Variants in EXT1 observed in about 807,000 individuals in gnomAD.
EXT1 encodes the protein exostosin-1.
Under a neutral mutation model 82.5 loss-of-function variants are expected in EXT1, and 20 were observed. The ratio of observed to expected loss-of-function variants is 0.24; its 90% confidence interval spans 0.17 to 0.35. The LOEUF is 0.35. EXT1 is among the 10% of genes least tolerant of loss of function. EXT1 has a pLI of 1.00. For synonymous variants in EXT1, 348 were observed against 350.8 expected (o/e 0.99, Z 0.09); for missense variants, 757 against 936.5 (o/e 0.81, Z 2.50).
intron 1 of EXT1, among the ~76,000 whole-genome samples, chr8:117,951,317 T>A (rs545918759): frequency 1.1e-4 from 16 of 152,236 alleles, no homozygotes; most frequent in Non-Finnish European, 2.1e-4. Flanking sequence ...CAAAGCCTGT[T>A]TATGAAAGTG....
chr8:117,886,777 G>A (rs1259052826), intron 1 of EXT1, among the ~76,000 whole-genome samples: 2 of 152,180 alleles, frequency 1.3e-5, no homozygotes, highest in Non-Finnish European at 2.9e-5. Flanking sequence ...TTCAGAAGGG[G>A]TGGTTTCTAC....
intron 1 of EXT1, among the ~76,000 whole-genome samples, chr8:117,892,829 G>GTA (rs1813269814): frequency 1.3e-5 from 2 of 152,206 alleles, no homozygotes; most frequent in African/African-American, 4.8e-5. Flanking sequence ...TGAGTTGGCT[G>GTA]TATATGAGAG....
intron 1 of EXT1, among the ~76,000 whole-genome samples, chr8:117,858,591 T>G (rs933584485): frequency 6.6e-6 from 1 of 151,170 alleles, no homozygotes; most frequent in Admixed American, 6.6e-5. Flanking sequence ...GGCAGGAGAA[T>G]GGCTTGAACC....
chr8:117,840,662 A>G (rs903955451), intron 1 of EXT1, among the ~76,000 whole-genome samples: 1 of 152,128 alleles, frequency 6.6e-6, no homozygotes, highest in African/African-American at 2.4e-5. Context: ...CCAATCATAT[A>G]TGATAAGGGA....
At chr8:118,095,179 A>G (rs150730029) in intron 1 of EXT1, among the ~76,000 whole-genome samples, 92 of 152,214 alleles carry the variant, frequency 6.0e-4, no homozygotes, top group Non-Finnish European at 9.1e-4. Context: ...TTCTTAGCTT[A>G]TTTTCATAGA....
At chr8:117,858,036 C>T (rs1196639715) in intron 1 of EXT1, among the ~76,000 whole-genome samples, 1 of 152,176 alleles carries the variant, frequency 6.6e-6, no homozygotes, top group African/African-American at 2.4e-5. Flanking sequence ...GAAGATGTGA[C>T]TGAATTGCAG....
At chr8:117,940,497 C>T (rs182180881) in intron 1 of EXT1, among the ~76,000 whole-genome samples, 17 of 152,294 alleles carry the variant, frequency 1.1e-4, no homozygotes, top group East Asian at 3.9e-4. Flanking sequence ...TCAATTCAAA[C>T]GACCTTTACT....
chr8:117,942,322 A>T (rs555848265), intron 1 of EXT1, among the ~76,000 whole-genome samples: 2 of 152,262 alleles, frequency 1.3e-5, no homozygotes, highest in South Asian at 4.1e-4. Flanking sequence ...TTTCTTCCTT[A>T]TGAGACTGTA....
intron 1 of EXT1, among the ~76,000 whole-genome samples, chr8:117,982,524 T>C (rs1248764683): frequency 6.6e-6 from 1 of 152,144 alleles, no homozygotes; most frequent in African/African-American, 2.4e-5. Flanking sequence ...GGAGTCTTGC[T>C]GTGTCACCCA....
chr8:117,856,289 C>T (rs1362761053), intron 1 of EXT1, among the ~76,000 whole-genome samples: 1 of 148,280 alleles, frequency 6.7e-6, no homozygotes, highest in African/African-American at 2.5e-5. Context: ...GAGTCTCGCT[C>T]TGTTGCCCAG....
chr8:118,011,468 T>C (rs965224660), intron 1 of EXT1, among the ~76,000 whole-genome samples: 5 of 152,176 alleles, frequency 3.3e-5, no homozygotes, highest in African/African-American at 9.7e-5. Flanking sequence ...TATTAGGGTA[T>C]GAAGAGGGGA....
At chr8:117,914,759 T>C (rs1206776100) in intron 1 of EXT1, among the ~76,000 whole-genome samples, 1 of 152,228 alleles carries the variant, frequency 6.6e-6, no homozygotes, top group African/African-American at 2.4e-5. Flanking sequence ...AGACCGGTTC[T>C]CTACTCTCGA....
intron 1 of EXT1, among the ~76,000 whole-genome samples, chr8:118,079,069 T>C (rs1174387805): frequency 6.6e-6 from 1 of 152,194 alleles, no homozygotes; most frequent in Non-Finnish European, 1.5e-5. Context: ...ACGTCCCTCA[T>C]AGACAAGATT....
At chr8:117,801,054 G>A (rs1300166864) in intron 10 of EXT1, among the ~76,000 whole-genome samples, 2 of 152,154 alleles carry the variant, frequency 1.3e-5, no homozygotes, top group Non-Finnish European at 2.9e-5. Flanking sequence ...CACAGTTTTA[G>A]AAAAATACTT....
intron 1 of EXT1, among the ~76,000 whole-genome samples, chr8:117,897,591 CT>C (rs34963536): frequency 0.012 from 1,086 of 90,656 alleles, 6 homozygotes; most frequent in East Asian, 0.039. Context: ...CTTCTTTTCT[CT>C]TTTTTTTTTT....
intron 8 of EXT1, among the ~76,000 whole-genome samples, chr8:117,811,679 C>T (rs554818463): frequency 6.0e-5 from 9 of 150,394 alleles, no homozygotes; most frequent in African/African-American, 2.2e-4. Flanking sequence ...TGCAATGGTA[C>T]GATGTCCGCT....
chr8:117,864,733 A>T (rs2129873708), intron 1 of EXT1, among the ~76,000 whole-genome samples: 1 of 147,146 alleles, frequency 6.8e-6, no homozygotes, highest in Admixed American at 7.0e-5. Context: ...TGGGCGACAG[A>T]GCGAGACTCT....
chr8:117,930,301 G>A (rs1814032835), intron 1 of EXT1, among the ~76,000 whole-genome samples: 1 of 152,004 alleles, frequency 6.6e-6, no homozygotes, highest in Non-Finnish European at 1.5e-5. Flanking sequence ...GCGGAAGGGT[G>A]GAGAATGACA....
rs190017962 is a variant in EXT1 at position 117,960,888 on chromosome 8, G to A, written c.963-123687C>T. Among the ~76,000 whole-genome samples the A allele has an allele frequency of 1.5e-3, 229 of 152,194 alleles. 3 individuals carry two copies. The highest frequency in any genetic ancestry group is 4.9e-3 in the African/African-American group (203 of 41,520). ...AATCCTTTGTTTTTCAAATAATAGC[G>A]GGGAAAAACACGACAGCAATGAAAT... On this transcript the variant is annotated intron_variant, in intron 1 of 10. Transcript: ENST00000378204.
Sources: allele counts gnomAD v4.1 joint callset (sites outside exome capture counted in the v4.1 genomes callset), GRCh38; gene constraint gnomAD v4.1.1; transcripts MANE v1.5; gene names NCBI Gene and HGNC (gene_info 2026-07-23, HGNC 2026-07-21).